The following DNAH7 variants were observed in gnomAD, a reference collection of about 807,000 sequenced individuals.
The protein encoded by DNAH7 is dynein axonemal heavy chain 7, also known as axonemal beta dynein heavy chain 7.
DNAH7 carries 397 observed loss-of-function variants against 444.6 expected under a neutral mutation model. The observed-to-expected ratio is 0.89, with a 90% confidence interval of 0.82 to 0.97. The LOEUF (loss-of-function observed/expected upper bound fraction) is 0.97, where lower values mean the gene tolerates loss of function less well. Ranked by LOEUF, DNAH7 falls within the 50% of genes least tolerant of loss-of-function variation. The probability of loss-of-function intolerance (pLI) is 0.00; values close to 1 mark genes in which losing one functional copy is unlikely to be tolerated. For missense variants in DNAH7, 4,902 were observed against 4,800.8 expected (o/e 1.02, Z -0.62); for synonymous variants, 1,636 against 1,624.4 (o/e 1.01, Z -0.17).
chr2:195,917,101 C>CAAAAAA (rs34903739), intron 24 of DNAH7, among the ~76,000 whole-genome samples: 4 of 53,362 alleles, frequency 7.5e-5, no homozygotes, highest in Non-Finnish European at 7.5e-5. Context: ...GACTCCACCT[C>CAAAAAA]AAAAAAAAAA....
chr2:196,021,366 C>T (rs1025732076), intron 8 of DNAH7, among the ~76,000 whole-genome samples: 1 of 152,116 alleles, frequency 6.6e-6, no homozygotes, highest in African/African-American at 2.4e-5. Context: ...TGTATAGAGG[C>T]TTGCAATGGA....
chr2:195,780,590 A>T (rs994038293), intron 58 of DNAH7, among the ~76,000 whole-genome samples: 3 of 151,958 alleles, frequency 2.0e-5, no homozygotes, highest in Non-Finnish European at 4.4e-5. Flanking sequence ...CTCTACTAAA[A>T]ATACAAAAAT....
At chr2:195,907,079 C>A in intron 25 of DNAH7, 70 bp from the exon 26 acceptor site, 1 of 1,197,286 alleles carries the variant, frequency 8.4e-7, no homozygotes, top group Non-Finnish European at 1.2e-6. Flanking sequence ...GTTGTATTTT[C>A]ACCTGATCTT....
chr2:195,878,650 T>C (rs1458082645), intron 36 of DNAH7, among the ~76,000 whole-genome samples: 1 of 152,108 alleles, frequency 6.6e-6, no homozygotes, highest in African/African-American at 2.4e-5. Context: ...ACATAAGCCA[T>C]GGTGTGAACA....
At chr2:195,787,280 G>C in intron 57 of DNAH7, 109 bp from the exon 58 acceptor site, 1 of 1,148,372 alleles carries the variant, frequency 8.7e-7, no homozygotes, top group South Asian at 1.7e-5. Context: ...ATAGCATAGG[G>C]ACATATTCAT....
intron 5 of DNAH7, among the ~76,000 whole-genome samples, chr2:196,037,007 G>T (rs1403884620): frequency 6.6e-6 from 1 of 152,124 alleles, no homozygotes; most frequent in South Asian, 2.1e-4. Flanking sequence ...CCAAATCCCT[G>T]CCAGTGCCCC....
Position 195,980,061 on chromosome 2 carries a change from C to CAAAAAAAAAAAAA in DNAH7, c.1833+4558_1833+4570dup, listed in dbSNP as rs59664135. Among the ~76,000 whole-genome samples, 6 of 75,056 alleles carry CAAAAAAAAAAAAA rather than the reference C, an allele frequency of 8.0e-5. 1 individual carries two copies. Among genetic ancestry groups the CAAAAAAAAAAAAA allele is most frequent in the African/African-American group, 1.3e-4 (3 of 22,926 alleles). 49.2% of individuals were successfully genotyped at this position (75,056 alleles called of 152,430 possible). ...CCAAACCTTCCTACTCAAACTAATA[C>CAAAAAAAAAAAAA]AAAAAAAAAAAAAAAAAAAAAAAAA... On this transcript the variant is annotated intron_variant, in intron 15 of 64. Transcript: ENST00000312428.
intron 1 of DNAH7, among the ~76,000 whole-genome samples, chr2:196,060,032 G>A (rs547668366): frequency 1.2e-4 from 19 of 152,164 alleles, no homozygotes; most frequent in Non-Finnish European, 2.6e-4. Flanking sequence ...TGGCTAACAC[G>A]GTGAAACCCC....
At chr2:195,952,394 G>C (rs879792480) in intron 19 of DNAH7, among the ~76,000 whole-genome samples, 10 of 151,846 alleles carry the variant, frequency 6.6e-5, no homozygotes, top group Admixed American at 1.3e-4. Context: ...TGAATCTGAC[G>C]ACTATGTGTC....
intron 1 of DNAH7, among the ~76,000 whole-genome samples, chr2:196,060,250 A>C (rs1047103618): frequency 1.3e-5 from 2 of 152,102 alleles, no homozygotes; most frequent in African/African-American, 2.4e-5. Flanking sequence ...AACAAACAAA[A>C]AAACTACGTT....
At chr2:195,820,687 C>T (rs1013258132) in intron 49 of DNAH7, among the ~76,000 whole-genome samples, 2 of 152,198 alleles carry the variant, frequency 1.3e-5, no homozygotes, top group African/African-American at 4.8e-5. Flanking sequence ...AACACATTTT[C>T]GATCACAACT....
intron 15 of DNAH7, among the ~76,000 whole-genome samples, chr2:195,976,783 G>GAA (rs1415748202): frequency 4.1e-5 from 6 of 145,202 alleles, no homozygotes; most frequent in African/African-American, 1.6e-4. Flanking sequence ...GAGAGAGAGA[G>GAA]AGAGACTCTC....
At chr2:195,739,503 TAATTA>T (rs1319661708) in intron 64 of DNAH7, among the ~76,000 whole-genome samples, 1 of 152,234 alleles carries the variant, frequency 6.6e-6, no homozygotes, top group Non-Finnish European at 1.5e-5. Flanking sequence ...GATTGAATCT[TAATTA>T]TATTTTACAA....
At chr2:195,791,158 G>C (rs994365420) in intron 57 of DNAH7, among the ~76,000 whole-genome samples, 4 of 151,922 alleles carry the variant, frequency 2.6e-5, no homozygotes, top group African/African-American at 9.7e-5. Context: ...TCTTATACCA[G>C]TCAGAATGGC....
rs762493744 is a variant in DNAH7, at chr2:195,845,142, A to G, written c.8805T>C (p.Thr2935=). The change falls in exon 47 of 65, where the codon ACT becomes ACC. Residue 2935 remains threonine (T), a synonymous_variant. Transcript: ENST00000312428. ...AGGGGATATCTCTTCCTTTGCACAA[A>G]GTTGTCCACTCTTTAGTTTGATTCT... ...YRQNQTKEWT[T]LCKGRDIPCS... 11 of 1,611,846 alleles carry G rather than the reference A, an allele frequency of 6.8e-6. No individual in the cohort carries two copies. Among genetic ancestry groups the G allele is most frequent in the Non-Finnish European group, 9.3e-6 (11 of 1,179,288 alleles).
intron 46 of DNAH7, among the ~76,000 whole-genome samples, chr2:195,852,168 G>A (rs574449352): frequency 6.6e-6 from 1 of 152,250 alleles, no homozygotes; most frequent in South Asian, 2.1e-4. Flanking sequence ...TGAGGCAGGA[G>A]AATCGCGTGA....
chr2:195,832,760 T>G (rs1005953813), intron 48 of DNAH7, among the ~76,000 whole-genome samples: 1 of 152,148 alleles, frequency 6.6e-6, no homozygotes, highest in Non-Finnish European at 1.5e-5. Context: ...GTATTTAAGG[T>G]GCCAGTTCCT....
At chr2:195,791,413 C>T (rs1163102463) in intron 57 of DNAH7, among the ~76,000 whole-genome samples, 1 of 149,496 alleles carries the variant, frequency 6.7e-6, no homozygotes, top group Non-Finnish European at 1.5e-5. Context: ...ACAATGGATG[C>T]TGGTGAGGCT....
Position 195,981,070 on chromosome 2 carries a change from T to A in DNAH7, c.1833+3562A>T, listed in dbSNP as rs561004551. 1.4e-4 allele frequency among the ~76,000 whole-genome samples: 22 copies of A among 152,248 alleles called. No individual in the cohort carries two copies. In the South Asian group the frequency reaches 2.9e-3, roughly 20 times the overall value. ...AAGTTAAATTATCCTCGTTTGCAGA[T>A]AATATATTATATTTGAAAAATCCTA... is the stretch of plus-strand genomic sequence containing the variant. On this transcript the variant is annotated intron_variant, in intron 15 of 64. Transcript: ENST00000312428.
Sources: gnomAD v4.1 joint callset for allele counts (sites outside exome capture counted in the v4.1 genomes callset) on GRCh38, gnomAD v4.1.1 for gene constraint, MANE v1.5 for transcripts, NCBI Gene and HGNC (gene_info 2026-07-23, HGNC 2026-07-21) for gene names.